The following GLT1D1 variants were observed in gnomAD, a reference collection of about 807,000 sequenced individuals.
GLT1D1 encodes the protein glycosyltransferase 1 domain-containing protein 1.
Under a neutral mutation model 28.7 loss-of-function variants are expected in GLT1D1, and 21 were observed. The ratio of observed to expected loss-of-function variants is 0.73; its 90% CI spans 0.52 to 1.05. The LOEUF (loss-of-function observed/expected upper bound fraction) is 1.05. Ranked by LOEUF, GLT1D1 falls within the 50% of genes least tolerant of loss-of-function variation. The pLI is 0.00. For missense variants in GLT1D1, 343 were observed against 330.6 expected, an observed-to-expected ratio of 1.04 and a Z score of -0.29; for synonymous variants, 147 against 124.8, an observed-to-expected ratio of 1.18 and a Z score of -1.19.
intron 7 of GLT1D1, among the ~76,000 whole-genome samples, chr12:128,977,390 G>A (rs1198587310): frequency 6.6e-6 from 1 of 152,122 alleles, no homozygotes; most frequent in African/African-American, 2.4e-5. Context: ...TGCATTACCT[G>A]AGCCAGCGTT....
chr12:128,900,799 C>A (rs1870166480), intron 4 of GLT1D1, among the ~76,000 whole-genome samples: 1 of 152,096 alleles, frequency 6.6e-6, no homozygotes, highest in African/African-American at 2.4e-5. Flanking sequence ...CCACACCCGG[C>A]TAATTTTTGT....
intron 2 of GLT1D1, among the ~76,000 whole-genome samples, chr12:128,876,584 G>A (rs1339504982): frequency 6.6e-6 from 1 of 152,060 alleles, no homozygotes; most frequent in Non-Finnish European, 1.5e-5. Context: ...CCAAAGTGCT[G>A]GGATTGCAGG....
chr12:128,962,315 A>G (rs1878050418), intron 7 of GLT1D1, among the ~76,000 whole-genome samples: 2 of 152,372 alleles, frequency 1.3e-5, no homozygotes, highest in Admixed American at 6.5e-5. Flanking sequence ...GGGTCTAGAC[A>G]CAATGTCCAG....
Position 128,855,174 on chromosome 12 carries a change from G to A in GLT1D1, c.68+1525G>A, listed in dbSNP as rs553126153. ...GCTGTTGCAGTGAGCCAATTGATCT[G>A]GGATCACGCCACTGCACTCTAGCCT... On this transcript the variant is annotated intron_variant, in intron 1 of 7. Coordinates refer to ENST00000281703, the MANE Select transcript of GLT1D1 (RefSeq NM_144669.3). 9.9e-4 allele frequency among the ~76,000 whole-genome samples: 146 copies of A among 146,930 alleles called. 3 individuals are homozygous for A. In the South Asian group the frequency reaches 0.029, roughly 30 times the overall value.
chr12:128,960,717 G>A (rs1272919342), intron 7 of GLT1D1, among the ~76,000 whole-genome samples: 6 of 151,750 alleles, frequency 4.0e-5, no homozygotes, highest in Admixed American at 3.3e-4. Context: ...AGACTGCACC[G>A]AGATTGCACC....
chr12:128,875,520 A>G (rs1363031830), intron 1 of GLT1D1, among the ~76,000 whole-genome samples: 2 of 152,156 alleles, frequency 1.3e-5, no homozygotes, highest in Admixed American at 6.6e-5. Flanking sequence ...ATAGTAGCTG[A>G]GCACAGTGGC....
At chr12:128,902,310 C>A (rs545097599) in intron 4 of GLT1D1, among the ~76,000 whole-genome samples, 1 of 150,906 alleles carries the variant, frequency 6.6e-6, no homozygotes, top group East Asian at 2.0e-4. Context: ...ATGGAGAAAC[C>A]CCGACTCTAC....
At chr12:128,961,957 G>A (rs750995620) in intron 7 of GLT1D1, among the ~76,000 whole-genome samples, 114 of 152,186 alleles carry the variant, frequency 7.5e-4, no homozygotes, top group Non-Finnish European at 1.2e-3. Context: ...CTGGTAACCC[G>A]AACTCTGTCC....
chr12:128,928,325 C>G (rs146591012), intron 4 of GLT1D1, among the ~76,000 whole-genome samples: 2 of 152,034 alleles, frequency 1.3e-5, no homozygotes, highest in South Asian at 2.1e-4. Flanking sequence ...TGGCCGTGAC[C>G]GAGGGATGGA....
At chr12:128,946,066 T>G (rs75991751) in intron 5 of GLT1D1, among the ~76,000 whole-genome samples, 5,966 of 152,186 alleles carry the variant, frequency 0.039, 233 homozygotes, top group African/African-American at 0.093. Flanking sequence ...ACAAAGACTG[T>G]TTTTTCCCCA....
chr12:128,983,603 C>T lies in GLT1D1; in HGVS notation c.*513C>T, dbSNP rs1371604022. The stretch of plus-strand genomic sequence containing the variant: ...GGCACGTGGGTGACCCGAGGCTTCT[C>T]TGAACACTAGAAAGCGCTGTGAGTG... On this transcript the variant is annotated 3_prime_UTR_variant, in exon 8 of 8. Transcript: ENST00000281703. The surrounding 1 kb of genome is among the most constrained non-coding windows in gnomAD (Gnocchi z 4.7). 1 of 154,286 alleles carries T rather than the reference C, an allele frequency of 6.5e-6. No homozygotes were observed. Among genetic ancestry groups the T allele is most frequent in the Non-Finnish European group, 1.4e-5 (1 of 69,298 alleles). 9.6% of individuals were successfully genotyped at this position (154,286 alleles called of 1,614,324 possible).
rs185190065 is a variant in GLT1D1, at chr12:128,982,203, C to T, written c.640-726C>T. Among the ~76,000 whole-genome samples the T allele has an allele frequency of 2.0e-5, 3 of 152,214 alleles. No individual in the cohort carries two copies. In the East Asian group the frequency reaches 5.8e-4, roughly 29 times the overall value. On this transcript the variant is annotated intron_variant, in intron 7 of 7. Transcript: ENST00000281703. ...AAAAGCAAAGAGCTGATAAACCCCC[C>T]TCCCTCCCTTCTTCATGCTGGGAGC...
intron 6 of GLT1D1, among the ~76,000 whole-genome samples, chr12:128,956,181 GAGAA>G (rs57175450): frequency 2.4e-5 from 2 of 83,430 alleles, no homozygotes; most frequent in African/African-American, 1.0e-4. Context: ...AAGAGAAAGA[GAGAA>G]AGAAAGAAAG....
At chr12:128,949,939 G>T (rs61945048) in intron 6 of GLT1D1, among the ~76,000 whole-genome samples, 2 of 152,156 alleles carry the variant, frequency 1.3e-5, no homozygotes, top group African/African-American at 4.8e-5. Flanking sequence ...AGGAAGGAGG[G>T]GATTCCTGGC....
chr12:128,969,917 A>T (rs1878867714), intron 7 of GLT1D1, among the ~76,000 whole-genome samples: 1 of 151,800 alleles, frequency 6.6e-6, no homozygotes, highest in Non-Finnish European at 1.5e-5. Flanking sequence ...CCAGCTGGGG[A>T]CTGTGATTAG....
chr12:128,877,951 C>T (rs1024954646), intron 2 of GLT1D1, among the ~76,000 whole-genome samples: 1 of 152,190 alleles, frequency 6.6e-6, no homozygotes, highest in African/African-American at 2.4e-5. Context: ...CAGTTCCTTA[C>T]CACATGGTCC....
intron 6 of GLT1D1, among the ~76,000 whole-genome samples, chr12:128,950,906 G>A (rs780803435): frequency 2.0e-5 from 3 of 152,140 alleles, no homozygotes; most frequent in Non-Finnish European, 4.4e-5. Flanking sequence ...GGGAGATGTT[G>A]GTTGAAGGAC....
chr12:128,966,432 C>A (rs759806257), intron 7 of GLT1D1, among the ~76,000 whole-genome samples: 2 of 152,226 alleles, frequency 1.3e-5, no homozygotes, highest in African/African-American at 4.8e-5. Flanking sequence ...GAGTCCCCAG[C>A]CTCTTTTCAC....
intron 7 of GLT1D1, among the ~76,000 whole-genome samples, chr12:128,974,305 G>A (rs1441372564): frequency 6.6e-6 from 1 of 152,060 alleles, no homozygotes. Context: ...CTCACAGATG[G>A]CAAGGGCTCT....
Sources: allele counts gnomAD v4.1 joint callset (sites outside exome capture counted in the v4.1 genomes callset), GRCh38; gene constraint gnomAD v4.1.1; non-coding constraint Gnocchi (gnomAD v3.1); transcripts MANE v1.5; gene names NCBI Gene and HGNC (gene_info 2026-07-23, HGNC 2026-07-21).